The following PTPRM variants were observed in gnomAD, a reference collection of about 807,000 sequenced individuals.
PTPRM encodes protein tyrosine phosphatase receptor type M.
A neutral mutation model predicts 186.7 loss-of-function variants in PTPRM; 47 were observed. That is an observed-to-expected ratio of 0.25 (90% CI 0.20 to 0.32). PTPRM has a LOEUF of 0.32. PTPRM is among the 10% of genes least tolerant of loss of function. The pLI is 1.00. For missense variants in PTPRM, 1,494 were observed against 1,865.0 expected, an observed-to-expected ratio of 0.80 and a Z score of 3.66; for synonymous variants, 668 against 674.9, an observed-to-expected ratio of 0.99 and a Z score of 0.16.
In PTPRM at chr18:7,567,959, G is replaced by T; in HGVS notation, c.73+68G>T. The T allele has an allele frequency of 2.8e-6, 4 of 1,444,092 alleles. No individual in the cohort carries two copies. Among genetic ancestry groups the T allele is most frequent in the Non-Finnish European group, 3.6e-6 (4 of 1,099,518 alleles). The allele number at this position is 1,444,092 out of a possible 1,614,324, so 89.5% of individuals were successfully genotyped here. On this transcript the variant is annotated intron_variant, in intron 1 of 32. Transcript: ENST00000580170. The surrounding 1 kb of genome is among the most constrained non-coding windows in gnomAD (Gnocchi z 4.3). ...GCGCGGGACGCCCGGGACGCCGACAGCTCCCTGGTGGTAGAGCCCTAAGGC... is the reference window on the plus strand; with the variant it reads ...GCGCGGGACGCCCGGGACGCCGACATCTCCCTGGTGGTAGAGCCCTAAGGC...
intron 7 of PTPRM, among the ~76,000 whole-genome samples, chr18:8,064,720 A>G (rs981469924): frequency 9.2e-5 from 14 of 152,172 alleles, no homozygotes; most frequent in Non-Finnish European, 2.9e-5. Context: ...TACTTTTTAA[A>G]CTCTGGAAAG....
chr18:7,872,688 G>T (rs1055501496), intron 2 of PTPRM, among the ~76,000 whole-genome samples: 10 of 152,182 alleles, frequency 6.6e-5, no homozygotes, highest in Non-Finnish European at 1.5e-4. Flanking sequence ...TGACAGACCT[G>T]TGGAGGGCAC....
At position 8,394,486 on chromosome 18, in the gene PTPRM, G is replaced by A; in HGVS notation, c.4219G>A (p.Gly1407Ser). 1 of 1,611,526 alleles carries A rather than the reference G, an allele frequency of 6.2e-7. No individual in the cohort carries two copies. The highest frequency in any genetic ancestry group is 8.5e-7 in the Non-Finnish European group (1 of 1,178,794). The change falls in exon 32 of 33, where the codon GGC (glycine) becomes AGC (serine). Residue 1407 changes from glycine (G) to serine (S), a missense_variant. This residue lies in a region of PTPRM where 1,107 missense variants were observed against 1,350.2 expected (regional missense o/e 0.82). Coordinates refer to ENST00000580170, the MANE Select transcript of PTPRM (RefSeq NM_001105244.2). ...RTVVHCLNGGGRSGTFCAISI... is the reference protein window; with the variant it reads ...RTVVHCLNGGSRSGTFCAISI... ...TCTTTTTCACGACAGGAACGGGGGAGGCCGCAGTGGGACGTTCTGCGCCAT... is the reference window on the plus strand; with the variant it reads ...TCTTTTTCACGACAGGAACGGGGGAAGCCGCAGTGGGACGTTCTGCGCCAT...
intron 14 of PTPRM, among the ~76,000 whole-genome samples, chr18:8,221,256 A>G (rs2094149948): frequency 6.6e-6 from 1 of 152,066 alleles, no homozygotes; most frequent in South Asian, 2.1e-4. Context: ...TGGAGCCTGT[A>G]TTGTTGTCGC....
intron 1 of PTPRM, among the ~76,000 whole-genome samples, chr18:7,696,101 A>G (rs1033066995): frequency 2.6e-5 from 4 of 152,200 alleles, no homozygotes; most frequent in African/African-American, 7.2e-5. Context: ...ATTCTTCATC[A>G]AGTAGGCTCA....
intron 19 of PTPRM, among the ~76,000 whole-genome samples, chr18:8,253,806 T>A (rs1376072205): frequency 6.6e-6 from 1 of 152,200 alleles, no homozygotes; most frequent in Non-Finnish European, 1.5e-5. Context: ...ACCAAGAAGT[T>A]CACATGCGTT....
intron 19 of PTPRM, among the ~76,000 whole-genome samples, chr18:8,291,155 G>A (rs555373590): frequency 5.3e-5 from 8 of 152,182 alleles, no homozygotes; most frequent in Admixed American, 1.3e-4. Context: ...CTCTCATTGG[G>A]CCTCTTGTTC....
At chr18:7,871,857 T>TA (rs2047999814) in intron 2 of PTPRM, among the ~76,000 whole-genome samples, 1 of 152,210 alleles carries the variant, frequency 6.6e-6, no homozygotes, top group Non-Finnish European at 1.5e-5. Flanking sequence ...CAGTGGTGCT[T>TA]ACGACAGTGC....
chr18:8,390,417 G>A (rs1311797875), intron 31 of PTPRM, among the ~76,000 whole-genome samples: 4 of 152,202 alleles, frequency 2.6e-5, no homozygotes, highest in African/African-American at 4.8e-5. Flanking sequence ...TATTGACAAC[G>A]TGGACTTTCA....
At chr18:8,283,562 A>G (rs2094926146) in intron 19 of PTPRM, among the ~76,000 whole-genome samples, 1 of 152,202 alleles carries the variant, frequency 6.6e-6, no homozygotes, top group Admixed American at 6.5e-5. Context: ...AAATTTTAGC[A>G]TGGTACTTGG....
At chr18:7,697,443 T>C (rs1246068266) in intron 1 of PTPRM, among the ~76,000 whole-genome samples, 1 of 152,208 alleles carries the variant, frequency 6.6e-6, no homozygotes, top group African/African-American at 2.4e-5. Context: ...GAGGACCCAC[T>C]GTTCAGTCTT....
intron 3 of PTPRM, among the ~76,000 whole-genome samples, chr18:7,900,220 C>T (rs1279542994): frequency 6.6e-6 from 1 of 152,182 alleles, no homozygotes; most frequent in African/African-American, 2.4e-5. Context: ...CAGCCATAGC[C>T]AAGATGTAAA....
At chr18:8,271,895 G>C (rs2094776124) in intron 19 of PTPRM, among the ~76,000 whole-genome samples, 2 of 152,030 alleles carry the variant, frequency 1.3e-5, no homozygotes, top group South Asian at 4.2e-4. Flanking sequence ...ACGTTTGTCA[G>C]TTTTATTAAT....
At chr18:7,997,038 C>A (rs894800340) in intron 7 of PTPRM, among the ~76,000 whole-genome samples, 1 of 152,066 alleles carries the variant, frequency 6.6e-6, no homozygotes. Context: ...AATAGAAAAA[C>A]AATCCTGATA....
chr18:8,163,470 C>A (rs28429435), intron 14 of PTPRM, among the ~76,000 whole-genome samples: 33,864 of 152,126 alleles, frequency 0.22, 4,833 homozygotes, highest in East Asian at 0.6. Flanking sequence ...CCCCTGCCCT[C>A]CTTAGCCAAT....
intron 2 of PTPRM, among the ~76,000 whole-genome samples, chr18:7,785,120 C>T (rs1449914118): frequency 1.3e-5 from 2 of 152,072 alleles, no homozygotes; most frequent in African/African-American, 2.4e-5. Context: ...CTGCCAAGTA[C>T]ATGGAATGGG....
chr18:8,383,182 C>G (rs567475758), intron 29 of PTPRM, among the ~76,000 whole-genome samples: 4 of 151,538 alleles, frequency 2.6e-5, no homozygotes, highest in Non-Finnish European at 5.9e-5. Context: ...CCTGTAGTCC[C>G]TACTACTCAG....
chr18:8,110,084 G>A lies in PTPRM; in HGVS notation c.1857-3402G>A, dbSNP rs1013867655. ...CTTCCTCCCTCCTGGTACATAGAATGTGTAATATACCCCCAAACCAAATAG... is the reference window on the plus strand; with the variant it reads ...CTTCCTCCCTCCTGGTACATAGAATATGTAATATACCCCCAAACCAAATAG... On this transcript the variant is annotated intron_variant, in intron 11 of 32. Transcript: ENST00000580170. Among the ~76,000 whole-genome samples, 6 of 152,254 alleles carry A rather than the reference G, an allele frequency of 3.9e-5. No homozygotes were observed. In the South Asian group the frequency reaches 1.0e-3, roughly 26 times the overall value.
intron 31 of PTPRM, among the ~76,000 whole-genome samples, chr18:8,390,724 C>T (rs1219916910): frequency 1.3e-5 from 2 of 151,928 alleles, no homozygotes; most frequent in Non-Finnish European, 2.9e-5. Flanking sequence ...ATCAGGAGAT[C>T]GAGACCATCC....
Sources: allele counts gnomAD v4.1 joint callset (sites outside exome capture counted in the v4.1 genomes callset), GRCh38; gene constraint gnomAD v4.1.1; regional missense constraint gnomAD v4.1.1; non-coding constraint Gnocchi (gnomAD v3.1); transcripts MANE v1.5; gene names NCBI Gene and HGNC (gene_info 2026-07-23, HGNC 2026-07-21).